Variants in MMADHC observed in about 807,000 individuals in gnomAD.
The protein encoded by MMADHC is metabolism of cobalamin associated D.
A neutral mutation model predicts 36.3 loss-of-function variants in MMADHC; 23 were observed. The ratio of observed to expected loss-of-function variants is 0.63; its 90% CI spans 0.46 to 0.90. The LOEUF is 0.90. Among genes scored for constraint, MMADHC ranks in the 40% least tolerant of loss-of-function variants. The pLI is 0.00. For missense variants in MMADHC, 330 were observed against 348.0 expected (o/e 0.95, Z 0.41); for synonymous variants, 97 against 116.1 (o/e 0.84, Z 1.06).
intron 6 of MMADHC, among the ~76,000 whole-genome samples, chr2:149,575,297 G>C (rs1682697371): frequency 6.6e-6 from 1 of 151,704 alleles, no homozygotes; most frequent in Admixed American, 6.6e-5. Flanking sequence ...TTTACTCTTG[G>C]AGAGAACTGG....
intron 3 of MMADHC, among the ~76,000 whole-genome samples, chr2:149,581,574 C>T (rs1412534797): frequency 1.3e-5 from 2 of 152,148 alleles, no homozygotes; most frequent in African/African-American, 2.4e-5. Context: ...AGACTATCCC[C>T]CTACCCCCAC....
At chr2:149,583,185 AAT>A (rs1682818668) in intron 2 of MMADHC, among the ~76,000 whole-genome samples, 2 of 152,226 alleles carry the variant, frequency 1.3e-5, no homozygotes, top group Non-Finnish European at 2.9e-5. Flanking sequence ...TGTAAAAACA[AAT>A]ATCAAATCAT....
chr2:149,572,022 C>T (rs1682648035), intron 6 of MMADHC, among the ~76,000 whole-genome samples: 1 of 152,000 alleles, frequency 6.6e-6, no homozygotes, highest in Admixed American at 6.5e-5. Context: ...TCATTATATA[C>T]TCTTCTCTGT....
intron 2 of MMADHC, 136 bp downstream of exon 2, chr2:149,586,953 T>G: frequency 1.1e-6 from 1 of 875,804 alleles, no homozygotes; most frequent in Non-Finnish European, 1.9e-6. Flanking sequence ...TTCACACCAC[T>G]TGCTTCCCTT....
chr2:149,575,523 TC>T (rs1368772009), intron 6 of MMADHC, among the ~76,000 whole-genome samples, 187 bp downstream of exon 6: 1 of 152,090 alleles, frequency 6.6e-6, no homozygotes, highest in African/African-American at 2.4e-5. Context: ...ATAAACAGAA[TC>T]TAAACTTTTA....
intron 3 of MMADHC, among the ~76,000 whole-genome samples, chr2:149,581,391 G>C (rs1433040663): frequency 6.6e-6 from 1 of 152,190 alleles, no homozygotes; most frequent in African/African-American, 2.4e-5. Context: ...GAATGCTCAA[G>C]TGAACTTAAA....
rs914050537 is a variant in MMADHC, at chr2:149,575,371, G to A, written c.609+340C>T. On this transcript the variant is annotated intron_variant, in intron 6 of 7. Transcript: ENST00000303319. ...AGGAGAAAGGGGATAGATTTGGAGG[G>A]GAAGATGGGGAGATGAAGGGGGAGA... Among the ~76,000 whole-genome samples the A allele has an allele frequency of 6.8e-5, 10 of 147,176 alleles. No homozygotes were observed. In the East Asian group the frequency reaches 1.3e-3, roughly 19 times the overall value.
At chr2:149,574,488 C>A (rs908481199) in intron 6 of MMADHC, among the ~76,000 whole-genome samples, 1 of 152,148 alleles carries the variant, frequency 6.6e-6, no homozygotes, top group Non-Finnish European at 1.5e-5. Context: ...TACTTCCTAA[C>A]ATCCTACACA....
At chr2:149,586,297 A>C (rs1011789773) in intron 2 of MMADHC, among the ~76,000 whole-genome samples, 4 of 152,158 alleles carry the variant, frequency 2.6e-5, no homozygotes, top group African/African-American at 9.7e-5. Context: ...TCTCCCACTT[A>C]TCTCTTTCAT....
chr2:149,571,779 C>CAAAAAAAAAAGA (rs1281548020), intron 6 of MMADHC, among the ~76,000 whole-genome samples: 1 of 57,612 alleles, frequency 1.7e-5, no homozygotes, highest in Non-Finnish European at 4.2e-5. Flanking sequence ...GACTCCATCT[C>CAAAAAAAAAAGA]AAAAAAAAAA....
chr2:149,577,976 C>T (rs1427463353), intron 4 of MMADHC, among the ~76,000 whole-genome samples: 1 of 152,164 alleles, frequency 6.6e-6, no homozygotes, highest in Non-Finnish European at 1.5e-5. Context: ...CAAGATCGCA[C>T]CACTGCACTC....
chr2:149,581,058 A>C (rs1183309116), intron 3 of MMADHC, among the ~76,000 whole-genome samples: 11 of 152,196 alleles, frequency 7.2e-5, no homozygotes, highest in Non-Finnish European at 1.5e-5. Flanking sequence ...AAAGTCTAAC[A>C]ATCCCTAGAT....
chr2:149,580,978 C>T (rs1321895881), intron 3 of MMADHC, among the ~76,000 whole-genome samples: 1 of 152,162 alleles, frequency 6.6e-6, no homozygotes, highest in Non-Finnish European at 1.5e-5. Flanking sequence ...ATCTAGACAG[C>T]CACTAATGAC....
Position 149,582,186 on chromosome 2 carries a change from G to C in MMADHC, c.95C>G (p.Ser32Trp). The change falls in exon 3 of 8, where the codon TCG becomes TGG. Residue 32 changes from serine (S) to tryptophan (W), a missense_variant. By Grantham distance (177) the Ser-to-Trp change is radical (BLOSUM62 -3). Coordinates refer to ENST00000303319, the MANE Select transcript of MMADHC (RefSeq NM_015702.3). ...VKRVVNPKAF[S>W]TAGSSGSDES... ...ATCCGAACCTGATGATCCTGCAGTC[G>C]AAAAGGCTTTGGGATTGACAACCCT... 3 of 1,613,964 alleles carry C rather than the reference G, an allele frequency of 1.9e-6. No individual in the cohort carries two copies. The highest frequency in any genetic ancestry group is 2.5e-6 in the Non-Finnish European group (3 of 1,179,894).
intron 4 of MMADHC, among the ~76,000 whole-genome samples, chr2:149,579,116 A>G (rs1457554076): frequency 1.3e-5 from 2 of 151,980 alleles, no homozygotes; most frequent in Non-Finnish European, 2.9e-5. Context: ...CATTTATTAA[A>G]AATGAAAAAC....
At chr2:149,571,907 G>A (rs1682646102) in intron 6 of MMADHC, among the ~76,000 whole-genome samples, 1 of 152,006 alleles carries the variant, frequency 6.6e-6, no homozygotes, top group South Asian at 2.1e-4. Context: ...GTGTCCTTCA[G>A]TATACATCTA....
chr2:149,585,876 T>A (rs1363526082), intron 2 of MMADHC, among the ~76,000 whole-genome samples: 1 of 152,258 alleles, frequency 6.6e-6, no homozygotes. Context: ...AAAAGACTTA[T>A]AAAAGGATCT....
intron 2 of MMADHC, among the ~76,000 whole-genome samples, chr2:149,582,746 T>C (rs963656966): frequency 7.2e-5 from 11 of 152,238 alleles, no homozygotes; most frequent in African/African-American, 2.7e-4. Context: ...TTCATGGCAA[T>C]GTCTGCTTTT....
chr2:149,586,989 C>T, intron 2 of MMADHC, 100 bp downstream of exon 2: 2 of 1,206,924 alleles, frequency 1.7e-6, no homozygotes, highest in Non-Finnish European at 2.5e-6. Context: ...TTATATCTAA[C>T]ACTATACCAC....
Sources: allele counts gnomAD v4.1 joint callset (sites outside exome capture counted in the v4.1 genomes callset), GRCh38; gene constraint gnomAD v4.1.1; transcripts MANE v1.5; gene names NCBI Gene and HGNC (gene_info 2026-07-23, HGNC 2026-07-21).